The following USP4 variants were observed in gnomAD, a reference collection of about 807,000 sequenced individuals.
USP4 encodes the protein ubiquitin specific peptidase 4, also known as ubiquitin carboxyl-terminal hydrolase 4.
Under a neutral mutation model 118.2 loss-of-function variants are expected in USP4, and 72 were observed. The ratio of observed to expected loss-of-function variants is 0.61; its 90% CI spans 0.50 to 0.74. The LOEUF is 0.74. USP4 is among the 30% of genes least tolerant of loss of function. The pLI, the probability that USP4 is intolerant of heterozygous loss-of-function variation, is 0.00. For synonymous variants in USP4, 415 were observed against 440.4 expected, an observed-to-expected ratio of 0.94 and a Z score of 0.72; for missense variants, 1,037 against 1,185.7, an observed-to-expected ratio of 0.87 and a Z score of 1.84.
At chr3:49,339,849 T>C in intron 1 of USP4, 75 bp downstream of exon 1, 1 of 1,275,824 alleles carries the variant, frequency 7.8e-7, no homozygotes. Flanking sequence ...CAGCCCCTAC[T>C]CTAGCCGAGA....
At chr3:49,285,002 C>A in intron 16 of USP4, 83 bp from the exon 17 acceptor site, 1 of 1,013,004 alleles carries the variant, frequency 9.9e-7, no homozygotes, top group Non-Finnish European at 1.5e-6. Flanking sequence ...AGAAGGACCA[C>A]ACTCAGGCCA....
intron 2 of USP4, among the ~76,000 whole-genome samples, chr3:49,328,075 C>T (rs897430108): frequency 1.3e-5 from 2 of 151,956 alleles, no homozygotes; most frequent in African/African-American, 4.8e-5. Flanking sequence ...AAAAGAAAAA[C>T]TCCAGGCTGG....
intron 1 of USP4, among the ~76,000 whole-genome samples, chr3:49,337,316 A>C (rs1001760265): frequency 6.6e-6 from 1 of 152,178 alleles, no homozygotes; most frequent in Non-Finnish European, 1.5e-5. Context: ...ACATATATAA[A>C]TATACACATA....
At position 49,302,380 on chromosome 3, in the gene USP4, A is replaced by T; in HGVS notation, c.1287+4T>A. On this transcript the variant is annotated splice_donor_region_variant and intron_variant, in intron 10 of 21. Transcript: ENST00000265560. ...TTATCATTCAGACATCATTAATGGCATACCGCATCTGGCCGCCCATTGGCA... is the reference window on the plus strand; with the variant it reads ...TTATCATTCAGACATCATTAATGGCTTACCGCATCTGGCCGCCCATTGGCA... The T allele has an allele frequency of 6.2e-7, 1 of 1,613,402 alleles. No individual in the cohort carries two copies. The highest frequency in any genetic ancestry group is 8.5e-7 in the Non-Finnish European group (1 of 1,179,800).
Position 49,286,220 on chromosome 3 carries a change from G to A in USP4, c.2078C>T (p.Thr693Ile), listed in dbSNP as rs748957590. 7.4e-6 allele frequency: 12 copies of A among 1,613,954 alleles called. No homozygotes were observed. Among genetic ancestry groups the A allele is most frequent in the Non-Finnish European group, 9.3e-6 (11 of 1,180,030 alleles). The change falls in exon 16 of 22, where the codon ACC (threonine) becomes ATC (isoleucine). Residue 693 changes from threonine (T) to isoleucine (I), a missense_variant. Thr to Ile is a moderately conservative substitution (Grantham distance 89). Transcript: ENST00000265560. ...DEPGNDPSET[T>I]QKKIKGQPCP... The stretch of plus-strand genomic sequence containing the variant: ...GGGCTGGCCTTTGATCTTCTTTTGG[G>A]TGGTCTCACTGGGGTCATTTCCTGG...
rs1276508032 is a variant in USP4, at chr3:49,318,923, A to C, written c.695+5779T>G. 3 of 151,642 alleles carry C rather than the reference A, an allele frequency of 2.0e-5. No homozygotes were observed. The South Asian group carries it at 6.2e-4, about 32-fold the overall frequency. The allele number at this position is 151,642 out of a possible 1,614,324, so 9.4% of individuals were successfully genotyped here. On this transcript the variant is annotated intron_variant, in intron 6 of 21. Coordinates refer to ENST00000265560, the MANE Select transcript of USP4 (RefSeq NM_003363.4). ...AGACTCTGCCTCAAAAAAAAAAAAA[A>C]AACAAACCACCATCACCACCACCAA...
intron 8 of USP4, among the ~76,000 whole-genome samples, chr3:49,310,397 A>C (rs1280434305): frequency 6.6e-6 from 1 of 152,178 alleles, no homozygotes; most frequent in African/African-American, 2.4e-5. Context: ...TAATCTTACT[A>C]TAAAACCAAA....
intron 9 of USP4, among the ~76,000 whole-genome samples, chr3:49,303,968 G>A (rs773210825): frequency 7.2e-5 from 11 of 151,970 alleles, no homozygotes; most frequent in Non-Finnish European, 1.6e-4. Context: ...GGCCAGGCTG[G>A]TCTTGAACTC....
intron 3 of USP4, among the ~76,000 whole-genome samples, chr3:49,326,319 G>A (rs1475009833): frequency 2.0e-5 from 3 of 151,532 alleles, no homozygotes; most frequent in South Asian, 4.2e-4. Flanking sequence ...TCTGTACCCC[G>A]CAAAAAAATA....
intron 8 of USP4, 22 bp from the exon 9 acceptor site, chr3:49,305,910 G>T: frequency 6.2e-7 from 1 of 1,607,922 alleles, no homozygotes; most frequent in Non-Finnish European, 8.5e-7. Context: ...CATGATGAGG[G>T]CTTTACACAC....
intron 8 of USP4, among the ~76,000 whole-genome samples, chr3:49,308,893 G>A (rs1338001847): frequency 2.0e-5 from 3 of 151,610 alleles, no homozygotes; most frequent in East Asian, 1.9e-4. Flanking sequence ...TTAGCCAGGC[G>A]TGGTGGTGTG....
chr3:49,304,850 A>G (rs1575609108), intron 9 of USP4, among the ~76,000 whole-genome samples: 1 of 149,526 alleles, frequency 6.7e-6, no homozygotes, highest in Non-Finnish European at 1.5e-5. Flanking sequence ...TGCACCCTCC[A>G]CCTCCCAGGT....
At chr3:49,317,773 C>T (rs1396906142) in intron 6 of USP4, among the ~76,000 whole-genome samples, 5 of 150,742 alleles carry the variant, frequency 3.3e-5, no homozygotes, top group Non-Finnish European at 7.4e-5. Flanking sequence ...AGGATGGTCT[C>T]AATCTCCTGA....
chr3:49,336,469 C>T (rs1448740116), intron 1 of USP4, among the ~76,000 whole-genome samples: 1 of 151,948 alleles, frequency 6.6e-6, no homozygotes, highest in Non-Finnish European at 1.5e-5. Flanking sequence ...CTACCACACT[C>T]AGTCTAAATG....
Position 49,284,510 on chromosome 3 carries a change from G to C in USP4, c.2346C>G (p.Ile782Met). ...GGGTCTCCATGGTGGTGAAGAGCTCGATGCAGTCTCTCAGGGCCACTGTGG... is the reference window on the plus strand; with the variant it reads ...GGGTCTCCATGGTGGTGAAGAGCTCCATGCAGTCTCTCAGGGCCACTGTGG... ...KKTTVALRDCIELFTTMETLG... is the reference protein window; with the variant it reads ...KKTTVALRDCMELFTTMETLG... The change falls in exon 18 of 22, where the codon ATC becomes ATG. Residue 782 changes from isoleucine to methionine, a missense_variant. Ile to Met is a conservative substitution (Grantham distance 10). Coordinates refer to ENST00000265560, the MANE Select transcript of USP4 (RefSeq NM_003363.4). The C allele has an allele frequency of 4.3e-6, 7 of 1,614,156 alleles. No homozygotes were observed. The highest frequency in any genetic ancestry group is 5.9e-6 in the Non-Finnish European group (7 of 1,180,034).
chr3:49,328,534 ACTC>A (rs1458840567), intron 2 of USP4, among the ~76,000 whole-genome samples: 1 of 151,708 alleles, frequency 6.6e-6, no homozygotes, highest in Non-Finnish European at 1.5e-5. Context: ...ATAAGAAGCA[ACTC>A]CTCAGCCATT....
intron 2 of USP4, among the ~76,000 whole-genome samples, chr3:49,328,396 C>T (rs1358717577): frequency 6.6e-6 from 1 of 151,988 alleles, no homozygotes; most frequent in Non-Finnish European, 1.5e-5. Flanking sequence ...TATGGTTTCC[C>T]ACCATCCCTC....
intron 4 of USP4, 97 bp from the exon 5 acceptor site, chr3:49,325,136 C>G (rs1052013564): frequency 6.4e-5 from 94 of 1,462,854 alleles, no homozygotes; most frequent in Non-Finnish European, 8.6e-5. Context: ...TTGTCAGATG[C>G]TCACAGGTGC....
At chr3:49,333,498 A>G (rs547383507) in intron 2 of USP4, among the ~76,000 whole-genome samples, 147 of 152,214 alleles carry the variant, frequency 9.7e-4, no homozygotes, top group African/African-American at 3.3e-3. Flanking sequence ...TCTAGCTTTG[A>G]TTTGAAGTGA....
Sources: allele counts gnomAD v4.1 joint callset (sites outside exome capture counted in the v4.1 genomes callset), GRCh38; gene constraint gnomAD v4.1.1; transcripts MANE v1.5; gene names NCBI Gene and HGNC (gene_info 2026-07-23, HGNC 2026-07-21).